PDE4D: variants seen among roughly 807,000 people sequenced by gnomAD.
PDE4D encodes the protein 3',5'-cyclic-AMP phosphodiesterase 4D.
In PDE4D, 24 loss-of-function variants were observed where a neutral mutation model predicts 87.4. The observed-to-expected ratio is 0.27, with a 90% CI of 0.20 to 0.39. The LOEUF (loss-of-function observed/expected upper bound fraction) is 0.39, where lower values mean the gene tolerates loss of function less well. Ranked by LOEUF, PDE4D falls within the 10% of genes least tolerant of loss-of-function variation. PDE4D has a pLI of 1.00. For synonymous variants in PDE4D, 384 were observed against 383.2 expected, an observed-to-expected ratio of 1.00 and a Z score of -0.02; for missense variants, 714 against 1,041.0, an observed-to-expected ratio of 0.69 and a Z score of 4.32.
At chr5:59,132,689 T>C (rs922203599) in intron 5 of PDE4D, among the ~76,000 whole-genome samples, 1 of 152,238 alleles carries the variant, frequency 6.6e-6, no homozygotes, top group Non-Finnish European at 1.5e-5. Context: ...GGCATAGGAC[T>C]TCATGGCCTT....
At chr5:60,279,054 G>A (rs1276079921) in intron 1 of PDE4D, among the ~76,000 whole-genome samples, 1 of 152,032 alleles carries the variant, frequency 6.6e-6, no homozygotes, top group Non-Finnish European at 1.5e-5. Flanking sequence ...CACTTCTCTG[G>A]CAGGTGAAGG....
intron 2 of PDE4D, among the ~76,000 whole-genome samples, chr5:60,139,528 A>G (rs1043423872): frequency 7.1e-4 from 108 of 152,246 alleles, no homozygotes; most frequent in African/African-American, 2.4e-3. Flanking sequence ...TTGAGTGTCA[A>G]ACTTACTGCT....
Position 59,607,319 on chromosome 5 carries a change from T to C in PDE4D, c.455+285849A>G, listed in dbSNP as rs369288836. ...GATTATTCATCTAGCACTGACTGAGTGCCCAGCATCCATGCCCCTCCCCTT... is the reference window on the plus strand; with the variant it reads ...GATTATTCATCTAGCACTGACTGAGCGCCCAGCATCCATGCCCCTCCCCTT... On this transcript the variant is annotated intron_variant, in intron 1 of 14. Transcript: ENST00000340635. 4.5e-4 allele frequency among the ~76,000 whole-genome samples: 69 copies of C among 152,244 alleles called. 1 individual carries two copies. The highest frequency in any genetic ancestry group is 1.6e-3 in the African/African-American group (65 of 41,560).
intron 1 of PDE4D, among the ~76,000 whole-genome samples, chr5:60,279,340 T>C (rs776669059): frequency 1.1e-4 from 17 of 152,212 alleles, no homozygotes; most frequent in Non-Finnish European, 2.1e-4. Flanking sequence ...AGAATTACCA[T>C]GTGGTCTCCA....
At chr5:59,633,765 T>C (rs1831871727) in intron 1 of PDE4D, among the ~76,000 whole-genome samples, 1 of 152,146 alleles carries the variant, frequency 6.6e-6, no homozygotes, top group Non-Finnish European at 1.5e-5. Context: ...GAAAAACTGA[T>C]ACCAGCCACT....
chr5:59,598,325 G>A (rs553204842), intron 1 of PDE4D, among the ~76,000 whole-genome samples: 1 of 152,086 alleles, frequency 6.6e-6, no homozygotes, highest in Non-Finnish European at 1.5e-5. Flanking sequence ...TTTCCCTTTA[G>A]ATTAGCAATC....
At chr5:59,372,727 C>T (rs1205428580) in intron 1 of PDE4D, among the ~76,000 whole-genome samples, 2 of 152,196 alleles carry the variant, frequency 1.3e-5, no homozygotes, top group African/African-American at 4.8e-5. Flanking sequence ...AGCTGCATTG[C>T]CTCTGCCACT....
rs376686068 is a variant in PDE4D, at chr5:59,011,219, A to G, written c.922-17754T>C. 2.6e-5 allele frequency among the ~76,000 whole-genome samples: 4 copies of G among 152,192 alleles called. No individual in the cohort carries two copies. The East Asian group carries it at 5.8e-4, about 22-fold the overall frequency. Reference sequence around the variant, plus strand: ...CCAGAGCAGAAAAGCTGAAAGTTCTAAAAATCAGAGCTCCTCTTCTCCTCC... The same window carrying G: ...CCAGAGCAGAAAAGCTGAAAGTTCTGAAAATCAGAGCTCCTCTTCTCCTCC... On this transcript the variant is annotated intron_variant, in intron 6 of 14. Coordinates refer to ENST00000340635, the MANE Select transcript of PDE4D (RefSeq NM_001104631.2).
chr5:59,193,980 T>C lies in PDE4D; in HGVS notation c.648-444A>G, dbSNP rs959335826. Among the ~76,000 whole-genome samples, 5 of 152,170 alleles carry C rather than the reference T, an allele frequency of 3.3e-5. No homozygotes were observed. In the East Asian group the frequency reaches 9.6e-4, roughly 29 times the overall value. ...GCATGGAGTGTTCCACATCATCCCG[T>C]GTAAGTCTTGGACAGGCTAGGAACT... is the stretch of plus-strand genomic sequence containing the variant. On this transcript the variant is annotated intron_variant, in intron 2 of 14. Coordinates refer to ENST00000340635, the MANE Select transcript of PDE4D (RefSeq NM_001104631.2).
chr5:60,393,834 G>A (rs1004402245), intron 1 of PDE4D, among the ~76,000 whole-genome samples: 2 of 152,164 alleles, frequency 1.3e-5, no homozygotes, highest in African/African-American at 4.8e-5. Flanking sequence ...ACATACAATA[G>A]ATTCTGGTGT....
At chr5:59,409,863 T>A (rs1022477951) in intron 1 of PDE4D, among the ~76,000 whole-genome samples, 3 of 152,172 alleles carry the variant, frequency 2.0e-5, no homozygotes, top group Non-Finnish European at 4.4e-5. Flanking sequence ...GTACTATAGG[T>A]CTTTTCTCTG....
intron 1 of PDE4D, among the ~76,000 whole-genome samples, chr5:59,748,826 C>T (rs1393746002): frequency 6.6e-6 from 1 of 152,124 alleles, no homozygotes; most frequent in African/African-American, 2.4e-5. Flanking sequence ...AAAAAGAACA[C>T]CCAGCCCTTT....
At chr5:60,399,271 T>C (rs1035672412) in intron 1 of PDE4D, among the ~76,000 whole-genome samples, 2 of 152,208 alleles carry the variant, frequency 1.3e-5, no homozygotes, top group African/African-American at 2.4e-5. Context: ...AGGATATCTC[T>C]TTATATTTTC....
chr5:60,321,483 T>C (rs1168678109), intron 1 of PDE4D, among the ~76,000 whole-genome samples: 1 of 152,194 alleles, frequency 6.6e-6, no homozygotes, highest in Non-Finnish European at 1.5e-5. Flanking sequence ...ACTTTGGTCT[T>C]GGCAAAGATT....
At chr5:60,141,656 C>T (rs1015911541) in intron 2 of PDE4D, among the ~76,000 whole-genome samples, 3 of 152,106 alleles carry the variant, frequency 2.0e-5, no homozygotes, top group African/African-American at 7.2e-5. Flanking sequence ...AGAATTCCTG[C>T]TCAGCAACTT....
chr5:59,303,633 T>C (rs1292969625), intron 1 of PDE4D, among the ~76,000 whole-genome samples: 1 of 152,220 alleles, frequency 6.6e-6, no homozygotes, highest in African/African-American at 2.4e-5. Flanking sequence ...CAGCACCATT[T>C]GTTGAAAAGG....
intron 1 of PDE4D, among the ~76,000 whole-genome samples, chr5:59,496,776 A>G (rs1807294240): frequency 1.3e-5 from 2 of 152,166 alleles, no homozygotes; most frequent in South Asian, 4.1e-4. Context: ...ATCCCTCTTC[A>G]GTGTACTGTT....
At chr5:59,247,462 T>C (rs923535236) in intron 1 of PDE4D, among the ~76,000 whole-genome samples, 1 of 152,118 alleles carries the variant, frequency 6.6e-6, no homozygotes, top group African/African-American at 2.4e-5. Flanking sequence ...GCCTCCGTAA[T>C]GGGCACTTTA....
At chr5:60,310,442 A>C (rs1322059676) in intron 1 of PDE4D, among the ~76,000 whole-genome samples, 1 of 152,210 alleles carries the variant, frequency 6.6e-6, no homozygotes. Flanking sequence ...AGGTTTAAAA[A>C]ATGAATGAGG....
Sources: gnomAD v4.1 joint callset for allele counts (sites outside exome capture counted in the v4.1 genomes callset) on GRCh38, gnomAD v4.1.1 for gene constraint, MANE v1.5 for transcripts, NCBI Gene and HGNC (gene_info 2026-07-23, HGNC 2026-07-21) for gene names.